RALGDS: variants seen among roughly 807,000 people sequenced by gnomAD.
The protein encoded by RALGDS is ral guanine nucleotide dissociation stimulator, also known as ral guanine nucleotide exchange factor.
RALGDS carries 44 observed loss-of-function variants against 99.8 expected under a neutral mutation model. The ratio of observed to expected loss-of-function variants is 0.44; its 90% CI spans 0.35 to 0.57. RALGDS has a LOEUF of 0.57. Ranked by LOEUF, RALGDS falls within the 20% of genes least tolerant of loss-of-function variation. The pLI is 0.01. For synonymous variants in RALGDS, 529 were observed against 505.0 expected (o/e 1.05, Z -0.64); for missense variants, 1,022 against 1,203.1 (o/e 0.85, Z 2.23).
At chr9:133,103,870 C>A (rs1325822948) in intron 10 of RALGDS, 37 bp from the exon 11 acceptor site, 1 of 1,582,924 alleles carries the variant, frequency 6.3e-7, no homozygotes, top group Non-Finnish European at 8.7e-7. Flanking sequence ...CAAGGCCCCT[C>A]CCCTGAAGGC....
At chr9:133,143,285 G>T (rs111661280) in intron 1 of RALGDS, among the ~76,000 whole-genome samples, 139 of 152,342 alleles carry the variant, frequency 9.1e-4, no homozygotes, top group African/African-American at 2.0e-3. Context: ...AGAAGCCAGG[G>T]TGCTTCCCAC....
Position 133,102,836 on chromosome 9 carries a change from G to A in RALGDS, c.1856C>T (p.Pro619Leu), listed in dbSNP as rs767964155. ...QSACNNYSIAPDEQFGAWFRA... is the reference protein window; with the variant it reads ...QSACNNYSIALDEQFGAWFRA... ...GAACCAGGCCCCAAATTGCTCATCT[G>A]GCGCGATGCTGTAGTTGTTGCAGGC... Residue 619 changes from proline to leucine, a missense_variant, in exon 13 of 18, where the codon CCA becomes CTA. Transcript: ENST00000372050. 6.2e-7 allele frequency: 1 copy of A among 1,613,704 alleles called. No individual in the cohort carries two copies.
At chr9:133,132,230 C>T (rs949699275), upstream of RALGDS, among the ~76,000 whole-genome samples, 4 of 152,174 alleles carry the variant, frequency 2.6e-5, no homozygotes, top group Admixed American at 1.3e-4. Flanking sequence ...AGGGGACCAG[C>T]GAAGAGGTCA....
intron 2 of RALGDS, among the ~76,000 whole-genome samples, 163 bp from the exon 3 acceptor site, chr9:133,110,652 G>A (rs1831296803): frequency 6.6e-6 from 1 of 152,256 alleles, no homozygotes; most frequent in Admixed American, 6.5e-5. Context: ...CAGGCCAGGT[G>A]TGGTGGCTCA....
chr9:133,101,856 G>A (rs987740498), intron 15 of RALGDS, 82 bp downstream of exon 15: 1 of 1,551,656 alleles, frequency 6.4e-7, no homozygotes, highest in East Asian at 2.4e-5. Flanking sequence ...GCTGTGTTCA[G>A]GATCCAGGGC....
At chr9:133,115,701 C>T (rs1411722218) in intron 1 of RALGDS, among the ~76,000 whole-genome samples, 1 of 152,106 alleles carries the variant, frequency 6.6e-6, no homozygotes, top group Non-Finnish European at 1.5e-5. Context: ...GGCGTGGTAC[C>T]GGACAACACC....
chr9:133,111,946 G>A lies in RALGDS; in HGVS notation c.294+96C>T, dbSNP rs772163484. ...GGGGGTCGGGAAGGGAGTGAAGGCC[G>A]TTTCCTTTGGGATCAGAACTGGGGG... On this transcript the variant is annotated intron_variant, in intron 2 of 17. Transcript: ENST00000372050. The A allele has an allele frequency of 5.1e-5, 48 of 949,840 alleles. 1 individual carries two copies. The highest frequency in any genetic ancestry group is 7.9e-5 in the East Asian group (3 of 38,096). 58.8% of individuals were successfully genotyped at this position (949,840 alleles called of 1,614,324 possible).
At chr9:133,104,627 C>G in intron 9 of RALGDS, 1 of 405,910 alleles carries the variant, frequency 2.5e-6, no homozygotes, top group Non-Finnish European at 4.6e-6. Context: ...GCCTGGCCAA[C>G]ACAGTGAAAC....
chr9:133,136,416 T>A (rs1269539070), intron 1 of RALGDS, among the ~76,000 whole-genome samples: 3 of 152,100 alleles, frequency 2.0e-5, no homozygotes, highest in Non-Finnish European at 4.4e-5. Context: ...GGCAAGTGAA[T>A]CACTTGAGCT....
At chr9:133,102,409 C>T (rs888506174) in intron 14 of RALGDS, 67 bp downstream of exon 14, 1 of 1,519,622 alleles carries the variant, frequency 6.6e-7, no homozygotes, top group Non-Finnish European at 9.1e-7. Flanking sequence ...TCCCTGAGCC[C>T]AGGCTCAGCC....
chr9:133,099,356 T>C (rs1377613743), intron 17 of RALGDS: 1 of 153,758 alleles, frequency 6.5e-6, no homozygotes, highest in Non-Finnish European at 1.4e-5. Flanking sequence ...AGTCTTCCTT[T>C]TCTGTAAGAT....
upstream of RALGDS, among the ~76,000 whole-genome samples, chr9:133,133,219 C>T (rs542305133): frequency 6.6e-6 from 1 of 152,248 alleles, no homozygotes; most frequent in Non-Finnish European, 1.5e-5. Context: ...TGGGGCTCCT[C>T]CTTTCGGAGC....
intron 1 of RALGDS, among the ~76,000 whole-genome samples, chr9:133,113,333 G>A (rs1831439025): frequency 1.3e-5 from 2 of 152,234 alleles, no homozygotes; most frequent in Non-Finnish European, 2.9e-5. Flanking sequence ...CCAGCATGCT[G>A]TGGACGGGAC....
At chr9:133,115,390 G>A (rs1045707659) in intron 1 of RALGDS, among the ~76,000 whole-genome samples, 27 of 152,180 alleles carry the variant, frequency 1.8e-4, no homozygotes, top group Non-Finnish European at 3.2e-4. Context: ...CCTGTGTGTG[G>A]AAAGGCTCAC....
chr9:133,129,413 G>A, intron 1 of RALGDS: 1 of 1,429,206 alleles, frequency 7.0e-7, no homozygotes, highest in South Asian at 1.5e-5. Flanking sequence ...GAGCACCCGA[G>A]TGCCTGGGCC....
upstream of RALGDS, among the ~76,000 whole-genome samples, chr9:133,133,791 C>T (rs1426597634): frequency 2.0e-5 from 3 of 152,264 alleles, no homozygotes; most frequent in African/African-American, 7.2e-5. Context: ...CCTGGCCACA[C>T]ACACAAGCCC....
intron 16 of RALGDS, chr9:133,100,985 C>G (rs1830729489): frequency 5.7e-6 from 6 of 1,053,224 alleles, no homozygotes; most frequent in Non-Finnish European, 4.6e-6. Context: ...GTTCATCTGT[C>G]GCAGGACACC....
chr9:133,137,530 G>A (rs780671459), intron 1 of RALGDS, among the ~76,000 whole-genome samples: 2 of 152,260 alleles, frequency 1.3e-5, no homozygotes, highest in Non-Finnish European at 1.5e-5. Flanking sequence ...AGGGAAGGGC[G>A]GGGCGCCTCT....
At chr9:133,138,397 C>A (rs927223092) in intron 1 of RALGDS, among the ~76,000 whole-genome samples, 2 of 152,164 alleles carry the variant, frequency 1.3e-5, no homozygotes, top group Admixed American at 6.5e-5. Context: ...CTCCTATCTG[C>A]CTCACCTGGG....
Sources: allele counts gnomAD v4.1 joint callset (sites outside exome capture counted in the v4.1 genomes callset), GRCh38; gene constraint gnomAD v4.1.1; transcripts MANE v1.5; gene names NCBI Gene and HGNC (gene_info 2026-07-23, HGNC 2026-07-21).